The following SLC44A5 variants were observed in gnomAD, a reference collection of about 807,000 sequenced individuals.
SLC44A5 encodes the protein choline transporter-like protein 5.
SLC44A5 carries 57 observed loss-of-function variants against 101.8 expected under a neutral mutation model. The observed-to-expected ratio is 0.56, with a 90% confidence interval of 0.45 to 0.70. The LOEUF is 0.70. Ranked by LOEUF, SLC44A5 falls within the 30% of genes least tolerant of loss-of-function variation. SLC44A5 has a pLI of 0.00. For synonymous variants in SLC44A5, 281 were observed against 290.9 expected (o/e 0.97, Z 0.35); for missense variants, 737 against 853.1 (o/e 0.86, Z 1.70).
intron 3 of SLC44A5, among the ~76,000 whole-genome samples, chr1:75,351,869 AGAG>A (rs1443547992): frequency 2.7e-4 from 10 of 37,310 alleles, no homozygotes; most frequent in African/African-American, 7.4e-4. Flanking sequence ...AAAAAAAAAA[AGAG>A]AGAGAGAGAG....
rs1489880562 is a variant in SLC44A5 at position 75,610,935 on chromosome 1, G to GTT, written c.-70+104_-70+105insAA. Reference sequence around the variant, plus strand: ...CAGACTTCACTATATATATGTGTGTGTGTGTGTGTATTTCTTGAGTTGTAT... The same window carrying GTT: ...CAGACTTCACTATATATATGTGTGTGTTTGTGTGTGTATTTCTTGAGTTGTAT... On this transcript the variant is annotated intron_variant, in intron 1 of 23. Transcript: ENST00000370859. 6 of 243,506 alleles carry GTT rather than the reference G, an allele frequency of 2.5e-5. No homozygotes were observed. The East Asian group carries it at 1.1e-3, about 44-fold the overall frequency. 15.1% of individuals were successfully genotyped at this position (243,506 alleles called of 1,614,324 possible).
At chr1:75,625,161 T>C in the SLC44A5 span, among the ~76,000 whole-genome samples, 1 of 152,126 alleles carries the variant, frequency 6.6e-6, no homozygotes, top group African/African-American at 2.4e-5. Flanking sequence ...CTTTCTACTT[T>C]TCATATGGTG....
intron 1 of SLC44A5, among the ~76,000 whole-genome samples, chr1:75,571,675 TA>T (rs1183589113): frequency 6.6e-6 from 1 of 152,192 alleles, no homozygotes; most frequent in Non-Finnish European, 1.5e-5. Context: ...TAAGCCAAAC[TA>T]TGATGTTTGG....
chr1:75,525,212 T>G (rs1237535384), intron 2 of SLC44A5, among the ~76,000 whole-genome samples: 2 of 152,146 alleles, frequency 1.3e-5, no homozygotes, highest in Non-Finnish European at 2.9e-5. Context: ...AGTTGCTAAT[T>G]GTAAAGTGAA....
chr1:75,548,987 C>T (rs1266409321), intron 1 of SLC44A5, among the ~76,000 whole-genome samples: 2 of 152,100 alleles, frequency 1.3e-5, no homozygotes, highest in African/African-American at 4.8e-5. Flanking sequence ...TTCCATCTTT[C>T]CTATCCCAAA....
the SLC44A5 span, among the ~76,000 whole-genome samples, chr1:75,650,000 T>C: frequency 1.3e-5 from 2 of 152,232 alleles, no homozygotes; most frequent in East Asian, 3.8e-4. Context: ...TCCACTCTTG[T>C]GTGTTAGCTC....
At chr1:75,715,087 C>T in the SLC44A5 span, among the ~76,000 whole-genome samples, 3 of 152,118 alleles carry the variant, frequency 2.0e-5, no homozygotes, top group African/African-American at 7.2e-5. Flanking sequence ...ATATAGCTAA[C>T]CAGGGAGGTG....
intron 2 of SLC44A5, among the ~76,000 whole-genome samples, chr1:75,487,666 A>T (rs1668223722): frequency 6.6e-6 from 1 of 152,182 alleles, no homozygotes; most frequent in South Asian, 2.1e-4. Flanking sequence ...CTGTCACTTA[A>T]CATCATGAAT....
rs1646996816 is a variant in SLC44A5, at chr1:75,217,954, G to C, written c.1536C>G (p.His512Gln). The C allele has an allele frequency of 6.3e-7, 1 of 1,584,458 alleles. No individual in the cohort carries two copies. Among genetic ancestry groups the C allele is most frequent in the Admixed American group, 1.7e-5 (1 of 59,590 alleles). The change falls in exon 18 of 24, where the codon CAC (histidine) becomes CAG (glutamine). Residue 512 changes from histidine (H) to glutamine (Q), a missense_variant. This residue lies in a region of SLC44A5 where 665 missense variants were observed against 764.4 expected (regional missense o/e 0.87). Coordinates refer to ENST00000370859, the MANE Select transcript of SLC44A5 (RefSeq NM_001130058.2). Reference protein sequence around the residue: ...FTAFGRAIRYHTGSLAFGSLI... With the variant: ...FTAFGRAIRYQTGSLAFGSLI... ...AAGATCCAAATGCTAGGGATCCTGT[G>C]TGATATCTGCACAAAAATAAAATGA...
the SLC44A5 span, among the ~76,000 whole-genome samples, chr1:75,704,755 T>C: frequency 6.6e-6 from 1 of 152,228 alleles, no homozygotes; most frequent in Non-Finnish European, 1.5e-5. Context: ...TGATATCATC[T>C]ACAAATAATG....
intron 1 of SLC44A5, among the ~76,000 whole-genome samples, chr1:75,576,130 A>G (rs558868799): frequency 2.0e-5 from 3 of 152,068 alleles, no homozygotes; most frequent in South Asian, 4.2e-4. Flanking sequence ...TGGGAGAGAG[A>G]GAGAGAAATA....
At chr1:75,668,618 G>A in the SLC44A5 span, among the ~76,000 whole-genome samples, 13 of 149,652 alleles carry the variant, frequency 8.7e-5, no homozygotes, top group African/African-American at 2.7e-4. Flanking sequence ...CACCACACCC[G>A]GCCCTGGGAG....
At chr1:75,604,431 T>C (rs925926255) in intron 1 of SLC44A5, among the ~76,000 whole-genome samples, 1 of 152,188 alleles carries the variant, frequency 6.6e-6, no homozygotes, top group African/African-American at 2.4e-5. Context: ...CAATATAGTT[T>C]GAAGCCAGGT....
intron 1 of SLC44A5, among the ~76,000 whole-genome samples, chr1:75,543,607 A>T (rs180871597): frequency 6.8e-6 from 1 of 146,822 alleles, no homozygotes. Flanking sequence ...ATATATATAT[A>T]TACACACACA....
intron 3 of SLC44A5, among the ~76,000 whole-genome samples, chr1:75,343,187 GCTT>G (rs1658012180): frequency 6.6e-6 from 1 of 152,076 alleles, no homozygotes; most frequent in Non-Finnish European, 1.5e-5. Flanking sequence ...TATTTTATAA[GCTT>G]CTTAAGTCAT....
chr1:75,384,053 G>A (rs2101272362), intron 3 of SLC44A5, among the ~76,000 whole-genome samples: 1 of 151,500 alleles, frequency 6.6e-6, no homozygotes, highest in Non-Finnish European at 1.5e-5. Context: ...GCTCCTGAAG[G>A]AAGCACTAAA....
At chr1:75,624,623 G>C in the SLC44A5 span, among the ~76,000 whole-genome samples, 1 of 152,172 alleles carries the variant, frequency 6.6e-6, no homozygotes, top group Non-Finnish European at 1.5e-5. Flanking sequence ...TCTTGCCAAA[G>C]TCCTCTGAAA....
At chr1:75,661,065 C>T in the SLC44A5 span, among the ~76,000 whole-genome samples, 2 of 151,944 alleles carry the variant, frequency 1.3e-5, no homozygotes, top group Admixed American at 6.6e-5. Flanking sequence ...GCTGGAGGTA[C>T]TATATTACCT....
chr1:75,395,679 G>A (rs182227693), intron 3 of SLC44A5, among the ~76,000 whole-genome samples: 15 of 152,146 alleles, frequency 9.9e-5, no homozygotes, highest in Admixed American at 8.5e-4. Flanking sequence ...AACAATAATT[G>A]TGTATATTTA....
Sources: allele counts gnomAD v4.1 joint callset (sites outside exome capture counted in the v4.1 genomes callset), GRCh38; gene constraint gnomAD v4.1.1; regional missense constraint gnomAD v4.1.1; transcripts MANE v1.5; gene names NCBI Gene and HGNC (gene_info 2026-07-23, HGNC 2026-07-21).